The following PARD3B variants were observed in gnomAD, a reference collection of about 807,000 sequenced individuals.
The protein encoded by PARD3B is partitioning defective 3 homolog B.
Under a neutral mutation model 130.2 loss-of-function variants are expected in PARD3B, and 103 were observed. The ratio of observed to expected loss-of-function variants is 0.79; its 90% CI spans 0.67 to 0.93. PARD3B has a LOEUF of 0.93. PARD3B is among the 40% of genes least tolerant of loss of function. The pLI is 0.00. For missense variants in PARD3B, 1,609 were observed against 1,499.2 expected, an observed-to-expected ratio of 1.07 and a Z score of -1.21; for synonymous variants, 583 against 553.2, an observed-to-expected ratio of 1.05 and a Z score of -0.76.
chr2:205,451,143 T>A (rs1464352079), intron 20 of PARD3B, among the ~76,000 whole-genome samples: 2 of 152,350 alleles, frequency 1.3e-5, no homozygotes, highest in African/African-American at 2.4e-5. Flanking sequence ...TCTCTTGCCT[T>A]TCCCAGTGGC....
intron 2 of PARD3B, among the ~76,000 whole-genome samples, chr2:204,834,681 T>A (rs1208534496): frequency 6.6e-6 from 1 of 152,190 alleles, no homozygotes; most frequent in Non-Finnish European, 1.5e-5. Flanking sequence ...TGAGAATTAA[T>A]AGACTGTAGC....
At chr2:205,218,050 G>A (rs1188678003) in intron 15 of PARD3B, among the ~76,000 whole-genome samples, 1 of 151,164 alleles carries the variant, frequency 6.6e-6, no homozygotes, top group African/African-American at 2.4e-5. Context: ...GCTTCACAAT[G>A]CTCAGCTAAT....
intron 2 of PARD3B, among the ~76,000 whole-genome samples, chr2:204,762,684 TTA>T (rs1199708477): frequency 3.9e-5 from 6 of 152,286 alleles, no homozygotes; most frequent in African/African-American, 9.6e-5. Flanking sequence ...GTTTTGAATC[TTA>T]TATGTTTTCT....
chr2:205,300,575 C>A lies in PARD3B; in HGVS notation c.2231C>A (p.Ser744Tyr). 1 of 1,613,878 alleles carries A rather than the reference C, an allele frequency of 6.2e-7. No homozygotes were observed. Among genetic ancestry groups the A allele is most frequent in the Non-Finnish European group, 8.5e-7 (1 of 1,179,988 alleles). Residue 744 changes from serine (S) to tyrosine (Y), a missense_variant, in exon 17 of 23, where the codon TCC becomes TAC. By Grantham distance (144) the Ser-to-Tyr change is moderately radical. Coordinates refer to ENST00000406610, the MANE Select transcript of PARD3B (RefSeq NM_001302769.2). The surrounding 1 kb of genome is among the most constrained non-coding windows in gnomAD (Gnocchi z 4.1). ...DFGPTLGLKK[S>Y]SSLESLQTAV... is the part of the protein sequence containing the mutation. ...GGTCCAACTCTGGGTTTGAAAAAGT[C>A]CAGCTCCTTGGAGAGTCTGCAGACT...
At chr2:205,574,639 G>T (rs762728090) in intron 22 of PARD3B, among the ~76,000 whole-genome samples, 4 of 151,900 alleles carry the variant, frequency 2.6e-5, no homozygotes, top group Non-Finnish European at 2.9e-5. Flanking sequence ...GCACTCCAGT[G>T]GGGGGGCAAC....
At chr2:204,805,580 GA>G (rs2042737503) in intron 2 of PARD3B, among the ~76,000 whole-genome samples, 1 of 152,046 alleles carries the variant, frequency 6.6e-6, no homozygotes, top group African/African-American at 2.4e-5. Context: ...ATATTGCCCT[GA>G]TACCAAAAGC....
Position 205,301,345 on chromosome 2 carries a change from A to G in PARD3B, c.2393-119A>G. Reference sequence around the variant, plus strand: ...TCAAAGGGCGCACGTAACCACATAGAAGGGTAGAACTACAGAGTGCTGTTA... The same window carrying G: ...TCAAAGGGCGCACGTAACCACATAGGAGGGTAGAACTACAGAGTGCTGTTA... On this transcript the variant is annotated intron_variant, in intron 17 of 22. Transcript: ENST00000406610. This position sits in a 1 kb window ranked among gnomAD's most constrained non-coding sequence, Gnocchi z 5.2. 1 of 1,490,466 alleles carries G rather than the reference A, an allele frequency of 6.7e-7. No individual in the cohort carries two copies. Among genetic ancestry groups the G allele is most frequent in the Non-Finnish European group, 9.0e-7 (1 of 1,116,628 alleles). 92.3% of individuals were successfully genotyped at this position (1,490,466 alleles called of 1,614,324 possible).
intron 16 of PARD3B, among the ~76,000 whole-genome samples, chr2:205,261,134 A>C (rs922460564): frequency 1.3e-5 from 2 of 152,136 alleles, no homozygotes; most frequent in Non-Finnish European, 2.9e-5. Context: ...GTGCATTTTT[A>C]ATCTATCCAA....
At chr2:204,608,870 G>A (rs979562267) in intron 1 of PARD3B, among the ~76,000 whole-genome samples, 1 of 152,174 alleles carries the variant, frequency 6.6e-6, no homozygotes, top group Non-Finnish European at 1.5e-5. Context: ...TGTTGTGGGT[G>A]AGAGAGAACT....
intron 11 of PARD3B, among the ~76,000 whole-genome samples, chr2:205,169,492 T>TCTCC (rs1408334493): frequency 6.6e-6 from 1 of 152,358 alleles, no homozygotes; most frequent in East Asian, 1.9e-4. Context: ...TTCTTGTCTG[T>TCTCC]TATCTACCTC....
chr2:204,938,086 G>A (rs1688605657), intron 2 of PARD3B, among the ~76,000 whole-genome samples: 2 of 152,164 alleles, frequency 1.3e-5, no homozygotes, highest in Admixed American at 6.5e-5. Flanking sequence ...TGAAAACCAT[G>A]CCTACTACTT....
chr2:205,225,024 A>G (rs185854233), intron 15 of PARD3B, among the ~76,000 whole-genome samples: 2 of 152,272 alleles, frequency 1.3e-5, no homozygotes, highest in East Asian at 1.9e-4. Context: ...ACAATTAGGT[A>G]GCTTCCAAAT....
At chr2:204,851,547 GTTA>G (rs1238296959) in intron 2 of PARD3B, among the ~76,000 whole-genome samples, 1 of 152,132 alleles carries the variant, frequency 6.6e-6, no homozygotes, top group Non-Finnish European at 1.5e-5. Context: ...TTCAGTGATA[GTTA>G]TTGTTTTGCT....
At chr2:205,393,265 C>G (rs778165225) in intron 18 of PARD3B, among the ~76,000 whole-genome samples, 1 of 152,210 alleles carries the variant, frequency 6.6e-6, no homozygotes, top group Non-Finnish European at 1.5e-5. Flanking sequence ...ATGAACTTCT[C>G]TGCCCCTATA....
At chr2:205,472,428 C>A (rs1430014253) in intron 20 of PARD3B, among the ~76,000 whole-genome samples, 1 of 151,960 alleles carries the variant, frequency 6.6e-6, no homozygotes, top group Non-Finnish European at 1.5e-5. Flanking sequence ...GTGAAATTTT[C>A]TTTTTAGAGT....
chr2:205,113,653 C>A, intron 6 of PARD3B, 76 bp downstream of exon 6: 1 of 1,079,318 alleles, frequency 9.3e-7, no homozygotes, highest in South Asian at 1.5e-5. Flanking sequence ...AAATATTTTT[C>A]ACAAGGAGAT....
chr2:204,871,439 G>A (rs1559215864), intron 2 of PARD3B, among the ~76,000 whole-genome samples: 1 of 152,008 alleles, frequency 6.6e-6, no homozygotes, highest in Non-Finnish European at 1.5e-5. Context: ...TGAGCTCAAG[G>A]CAGAATTCAG....
chr2:205,398,883 C>G (rs564683731), intron 18 of PARD3B, among the ~76,000 whole-genome samples: 7 of 152,176 alleles, frequency 4.6e-5, no homozygotes, highest in African/African-American at 1.7e-4. Flanking sequence ...ATTTATATGT[C>G]AGGTCCTCAT....
chr2:204,965,288 G>A lies in PARD3B; in HGVS notation c.359G>A (p.Gly120Glu), dbSNP rs1158563666. ...AQLAAFKPIGGEIEVTPSALK... is the reference protein window; with the variant it reads ...AQLAAFKPIGEEIEVTPSALK... The stretch of plus-strand genomic sequence containing the variant: ...CTGGCCGCATTTAAGCCAATTGGTG[G>A]GGAGATTGAAGTAACCCCTTCTGCT... The change falls in exon 3 of 23, where the codon GGG becomes GAG. Residue 120 changes from glycine to glutamate, a missense_variant. Transcript: ENST00000406610. The A allele has an allele frequency of 1.1e-5, 18 of 1,613,832 alleles. No homozygotes were observed. The highest frequency in any genetic ancestry group is 1.5e-5 in the Non-Finnish European group (18 of 1,179,876).
Sources: gnomAD v4.1 joint callset for allele counts (sites outside exome capture counted in the v4.1 genomes callset) on GRCh38, gnomAD v4.1.1 for gene constraint, Gnocchi (gnomAD v3.1) non-coding constraint, MANE v1.5 for transcripts, NCBI Gene and HGNC (gene_info 2026-07-23, HGNC 2026-07-21) for gene names.